Variants in ATP8A2 observed in about 807,000 individuals in gnomAD.
ATP8A2 encodes the protein ATPase phospholipid transporting 8A2.
In ATP8A2, 100 loss-of-function variants were observed where a neutral mutation model predicts 165.6. That is an observed-to-expected ratio of 0.60 (90% confidence interval 0.51 to 0.71). The LOEUF (loss-of-function observed/expected upper bound fraction) is 0.71, where lower values mean the gene tolerates loss of function less well. ATP8A2 is among the 30% of genes least tolerant of loss of function. The pLI is 0.00. For missense variants in ATP8A2, 1,227 were observed against 1,479.5 expected (o/e 0.83, Z 2.80); for synonymous variants, 543 against 548.8 (o/e 0.99, Z 0.15).
rs573442246 is a variant in ATP8A2, at chr13:25,903,012, A to C, written c.3183+40604A>C. 3.8e-3 allele frequency among the ~76,000 whole-genome samples: 572 copies of C among 151,646 alleles called. 1 individual carries two copies. Among genetic ancestry groups the C allele is most frequent in the Non-Finnish European group, 6.9e-3 (469 of 67,896 alleles). On this transcript the variant is annotated intron_variant, in intron 33 of 36. Coordinates refer to ENST00000381655, the MANE Select transcript of ATP8A2 (RefSeq NM_016529.6). ...CAGGGGTTGGGGCACAAAGTAGATA[A>C]AAACTCCTGTCTCGAATCACTTGAA...
At chr13:25,450,287 G>A (rs965725408) in intron 1 of ATP8A2, among the ~76,000 whole-genome samples, 1 of 152,058 alleles carries the variant, frequency 6.6e-6, no homozygotes, top group Non-Finnish European at 1.5e-5. Context: ...ATGAACATGC[G>A]TGCATGTGTC....
chr13:25,704,337 C>CTTTTTT (rs67458818), intron 25 of ATP8A2, among the ~76,000 whole-genome samples: 1 of 137,686 alleles, frequency 7.3e-6, no homozygotes. Flanking sequence ...ACATCTAGGA[C>CTTTTTT]TTTTTTTTTT....
rs1032346596 is a variant in ATP8A2 at position 26,020,144 on chromosome 13, G to A, written c.*159G>A. ...CAGTTTGTTAGTTACATATTCCCTCGCAAACCTGGAGTGCAGACCACAGGG... is the reference window on the plus strand; with the variant it reads ...CAGTTTGTTAGTTACATATTCCCTCACAAACCTGGAGTGCAGACCACAGGG... On this transcript the variant is annotated 3_prime_UTR_variant, in exon 37 of 37. Coordinates refer to ENST00000381655, the MANE Select transcript of ATP8A2 (RefSeq NM_016529.6). 16 of 625,222 alleles carry A rather than the reference G, an allele frequency of 2.6e-5. No homozygotes were observed. Among genetic ancestry groups the A allele is most frequent in the African/African-American group, 5.5e-5 (3 of 54,472 alleles). The allele number at this position is 625,222 out of a possible 1,614,324, so 38.7% of individuals were successfully genotyped here.
At chr13:25,975,098 T>C (rs1956002600) in intron 35 of ATP8A2, among the ~76,000 whole-genome samples, 1 of 152,052 alleles carries the variant, frequency 6.6e-6, no homozygotes, top group African/African-American at 2.4e-5. Context: ...ATTGACTGGT[T>C]TTATACGATG....
At chr13:25,424,052 G>A (rs1246936346) in intron 1 of ATP8A2, among the ~76,000 whole-genome samples, 1 of 152,132 alleles carries the variant, frequency 6.6e-6, no homozygotes, top group Non-Finnish European at 1.5e-5. Flanking sequence ...GAAATTGTCG[G>A]CACACGGTGT....
chr13:25,909,257 T>A (rs1284428291), intron 33 of ATP8A2, among the ~76,000 whole-genome samples: 1 of 152,106 alleles, frequency 6.6e-6, no homozygotes, highest in Non-Finnish European at 1.5e-5. Flanking sequence ...TATCTCAAAA[T>A]ACCTAGAGGA....
At chr13:25,834,221 T>C (rs1165265958) in intron 28 of ATP8A2, among the ~76,000 whole-genome samples, 1 of 152,230 alleles carries the variant, frequency 6.6e-6, no homozygotes, top group Non-Finnish European at 1.5e-5. Context: ...GTAACATCTT[T>C]AATTTTTAAG....
At chr13:25,427,251 G>C (rs1465575746) in intron 1 of ATP8A2, among the ~76,000 whole-genome samples, 4 of 151,932 alleles carry the variant, frequency 2.6e-5, no homozygotes, top group Non-Finnish European at 5.9e-5. Flanking sequence ...GTGCATGTGA[G>C]GGATCTAGGT....
At chr13:26,016,422 G>A (rs909024847) in intron 36 of ATP8A2, among the ~76,000 whole-genome samples, 1 of 152,200 alleles carries the variant, frequency 6.6e-6, no homozygotes, top group Non-Finnish European at 1.5e-5. Context: ...CCCATGGGAG[G>A]CCCTTGTGGC....
At chr13:25,572,773 A>G (rs568257142) in intron 18 of ATP8A2, among the ~76,000 whole-genome samples, 1 of 152,306 alleles carries the variant, frequency 6.6e-6, no homozygotes, top group African/African-American at 2.4e-5. Context: ...CAGGGATTAT[A>G]GTTTTTGGCT....
intron 1 of ATP8A2, among the ~76,000 whole-genome samples, chr13:25,377,053 A>C (rs1175354367): frequency 2.0e-5 from 3 of 152,214 alleles, no homozygotes; most frequent in Admixed American, 1.3e-4. Context: ...TTGATTTTAC[A>C]TTTACAACGG....
At chr13:25,746,261 AG>A (rs2044029681) in intron 25 of ATP8A2, among the ~76,000 whole-genome samples, 1 of 152,190 alleles carries the variant, frequency 6.6e-6, no homozygotes, top group Non-Finnish European at 1.5e-5. Context: ...TGTCGTGAAA[AG>A]AAGGAAGTCT....
At chr13:25,584,179 G>A (rs1471865000) in intron 23 of ATP8A2, among the ~76,000 whole-genome samples, 2 of 151,836 alleles carry the variant, frequency 1.3e-5, no homozygotes, top group South Asian at 2.1e-4. Context: ...TTTAAATGTC[G>A]TCTTGTGATT....
chr13:25,622,894 G>A (rs1477096252), intron 24 of ATP8A2, among the ~76,000 whole-genome samples: 3 of 152,198 alleles, frequency 2.0e-5, no homozygotes, highest in Admixed American at 6.5e-5. Flanking sequence ...TATTTCAGAT[G>A]TGCTGTCATA....
chr13:25,674,272 C>G (rs374353482), intron 24 of ATP8A2, among the ~76,000 whole-genome samples: 1 of 151,898 alleles, frequency 6.6e-6, no homozygotes, highest in Non-Finnish European at 1.5e-5. Context: ...GTGTCCCCCC[C>G]CGAAAACTAA....
At chr13:25,577,173 T>G (rs1470267958) in intron 20 of ATP8A2, 35 bp downstream of exon 20, 2 of 1,566,738 alleles carry the variant, frequency 1.3e-6, no homozygotes, top group Admixed American at 3.4e-5. Context: ...GTAGCGGAGT[T>G]CTTGGCAGCT....
chr13:25,549,626 T>C (rs1358860544), intron 10 of ATP8A2, among the ~76,000 whole-genome samples: 1 of 152,074 alleles, frequency 6.6e-6, no homozygotes, highest in African/African-American at 2.4e-5. Context: ...CTTTCCTCTC[T>C]TCAGTGTCTC....
intron 33 of ATP8A2, among the ~76,000 whole-genome samples, chr13:25,929,297 G>A (rs1043013472): frequency 2.0e-5 from 3 of 152,118 alleles, no homozygotes; most frequent in African/African-American, 4.8e-5. Flanking sequence ...AAGGCAGATG[G>A]GATGCCCGTT....
At chr13:25,630,081 C>T (rs551068204) in intron 24 of ATP8A2, among the ~76,000 whole-genome samples, 10 of 122,528 alleles carry the variant, frequency 8.2e-5, no homozygotes, top group African/African-American at 3.2e-4. Flanking sequence ...CTTTTTGTCC[C>T]CCCCCCACCA....
Sources: allele counts gnomAD v4.1 joint callset (sites outside exome capture counted in the v4.1 genomes callset), GRCh38; gene constraint gnomAD v4.1.1; transcripts MANE v1.5; gene names NCBI Gene and HGNC (gene_info 2026-07-23, HGNC 2026-07-21).